Variants in LRMDA observed in about 807,000 individuals in gnomAD.
LRMDA encodes leucine rich melanocyte differentiation associated, also known as leucine-rich melanocyte differentiation-associated protein.
LRMDA carries 18 observed loss-of-function variants against 29.8 expected under a neutral mutation model. That is an observed-to-expected ratio of 0.60 (90% CI 0.42 to 0.90). The LOEUF is 0.90. Among genes scored for constraint, LRMDA ranks in the 40% least tolerant of loss-of-function variants. The pLI is 0.00. For missense variants in LRMDA, 273 were observed against 273.9 expected, an observed-to-expected ratio of 1.00 and a Z score of 0.02; for synonymous variants, 125 against 109.4, an observed-to-expected ratio of 1.14 and a Z score of -0.89.
intron 2 of LRMDA, among the ~76,000 whole-genome samples, chr10:75,552,822 G>T (rs1197786116): frequency 6.7e-6 from 1 of 150,162 alleles, no homozygotes; most frequent in Admixed American, 6.6e-5. Context: ...CATTTTCTCT[G>T]CTGTGTTCAG....
chr10:76,418,812 A>ATTGAATT (rs1842045028), intron 6 of LRMDA, among the ~76,000 whole-genome samples: 1 of 152,034 alleles, frequency 6.6e-6, no homozygotes. Context: ...ATCAATGGGT[A>ATTGAATT]TTGAATTTTG....
At chr10:75,866,474 C>A (rs1473754747) in intron 2 of LRMDA, among the ~76,000 whole-genome samples, 1 of 152,170 alleles carries the variant, frequency 6.6e-6, no homozygotes, top group Non-Finnish European at 1.5e-5. Flanking sequence ...GCTTTGGTAG[C>A]AATGAAGATT....
In LRMDA at chr10:75,558,252, A is replaced by T. The variant is rs75637536; in HGVS notation, c.131+119758A>T. On this transcript the variant is annotated intron_variant, in intron 2 of 6. Transcript: ENST00000611255. ...AAGTACCTCCCTGAAAATTAGTCTA[A>T]CTAAGGCAGTTTGGGGGTTAAGTGT... 5.5e-4 allele frequency among the ~76,000 whole-genome samples: 83 copies of T among 151,948 alleles called. 1 individual carries two copies. The East Asian group carries it at 0.014, about 25-fold the overall frequency.
chr10:75,815,240 G>A (rs548689520), intron 2 of LRMDA, among the ~76,000 whole-genome samples: 1 of 152,208 alleles, frequency 6.6e-6, no homozygotes, highest in Admixed American at 6.5e-5. Context: ...AAAACCAATG[G>A]GTGTGTTACA....
intron 2 of LRMDA, among the ~76,000 whole-genome samples, chr10:75,777,082 T>G (rs2132239556): frequency 6.6e-6 from 1 of 152,308 alleles, no homozygotes; most frequent in East Asian, 1.9e-4. Flanking sequence ...TTTACTCTGT[T>G]TGTAAGGGAG....
chr10:76,067,647 T>C (rs1848806248), intron 5 of LRMDA, among the ~76,000 whole-genome samples: 2 of 152,150 alleles, frequency 1.3e-5, no homozygotes, highest in South Asian at 2.1e-4. Flanking sequence ...CTTCCCATGC[T>C]TTTGTCCATC....
chr10:76,469,873 C>A (rs1271974036), intron 6 of LRMDA, among the ~76,000 whole-genome samples: 1 of 152,038 alleles, frequency 6.6e-6, no homozygotes, highest in Non-Finnish European at 1.5e-5. Context: ...CAGTATTGTG[C>A]AATCATCACC....
At chr10:76,185,825 A>G (rs1851138801) in intron 5 of LRMDA, among the ~76,000 whole-genome samples, 1 of 152,192 alleles carries the variant, frequency 6.6e-6, no homozygotes, top group African/African-American at 2.4e-5. Flanking sequence ...TCAACAATAA[A>G]GTATGGCTTG....
intron 2 of LRMDA, among the ~76,000 whole-genome samples, chr10:75,987,801 C>T (rs143045178): frequency 1.1e-3 from 162 of 152,326 alleles, no homozygotes; most frequent in African/African-American, 3.7e-3. Context: ...GGAGGGAGCA[C>T]TGGGCAGCCC....
At chr10:75,522,988 T>A (rs1000315905) in intron 2 of LRMDA, among the ~76,000 whole-genome samples, 6 of 152,182 alleles carry the variant, frequency 3.9e-5, no homozygotes, top group Non-Finnish European at 7.3e-5. Flanking sequence ...TGCTCAGCAA[T>A]CAGATGACCT....
At chr10:76,266,693 ACT>A (rs1365263594) in intron 5 of LRMDA, among the ~76,000 whole-genome samples, 2 of 152,064 alleles carry the variant, frequency 1.3e-5, no homozygotes, top group Non-Finnish European at 2.9e-5. Context: ...TTTATTTATA[ACT>A]CAGTATATTA....
intron 2 of LRMDA, among the ~76,000 whole-genome samples, chr10:75,573,229 T>G (rs188697171): frequency 6.6e-6 from 1 of 152,326 alleles, no homozygotes; most frequent in Non-Finnish European, 1.5e-5. Flanking sequence ...TTTCAGGTTT[T>G]TCATTATAAT....
At chr10:76,444,512 C>G (rs112957403) in intron 6 of LRMDA, among the ~76,000 whole-genome samples, 2 of 152,228 alleles carry the variant, frequency 1.3e-5, no homozygotes, top group African/African-American at 4.8e-5. Flanking sequence ...GCATCAGTAA[C>G]TTGTAGCTCA....
intron 5 of LRMDA, among the ~76,000 whole-genome samples, chr10:76,091,553 C>T (rs369936037): frequency 2.0e-5 from 3 of 152,194 alleles, no homozygotes; most frequent in Admixed American, 2.0e-4. Flanking sequence ...GCCTGGTGGT[C>T]CTCATGGCCC....
chr10:75,964,971 G>T (rs1248679269), intron 2 of LRMDA, among the ~76,000 whole-genome samples: 1 of 152,124 alleles, frequency 6.6e-6, no homozygotes, highest in Non-Finnish European at 1.5e-5. Flanking sequence ...TCGCCATGTT[G>T]GCGAGGCTGG....
intron 2 of LRMDA, among the ~76,000 whole-genome samples, chr10:75,666,812 T>C (rs1841828511): frequency 6.6e-6 from 1 of 152,196 alleles, no homozygotes; most frequent in South Asian, 2.1e-4. Flanking sequence ...TTTAGCCAGA[T>C]GGGTCCAGTA....
chr10:76,222,081 A>G (rs1851852603), intron 5 of LRMDA, among the ~76,000 whole-genome samples: 2 of 151,992 alleles, frequency 1.3e-5, no homozygotes, highest in Non-Finnish European at 2.9e-5. Context: ...GAAAGCTGAA[A>G]CTGGATCCCT....
Position 75,814,540 on chromosome 10 carries a change from G to A in LRMDA, c.132-221468G>A, listed in dbSNP as rs111556686. On this transcript the variant is annotated intron_variant, in intron 2 of 6. Coordinates refer to ENST00000611255, the MANE Select transcript of LRMDA (RefSeq NM_001305581.2). ...TCTTAAGACACCTTTTTCCCACTCAGCCATTCAGCAACATTTTCCCTTCCC... is the reference window on the plus strand; with the variant it reads ...TCTTAAGACACCTTTTTCCCACTCAACCATTCAGCAACATTTTCCCTTCCC... Among the ~76,000 whole-genome samples the A allele has an allele frequency of 4.3e-3, 660 of 152,174 alleles. 3 individuals are homozygous for A. Among genetic ancestry groups the A allele is most frequent in the African/African-American group, 0.015 (627 of 41,524 alleles).
At chr10:76,166,006 G>A (rs969422163) in intron 5 of LRMDA, among the ~76,000 whole-genome samples, 13 of 152,198 alleles carry the variant, frequency 8.5e-5, no homozygotes, top group Admixed American at 6.5e-5. Context: ...TGGGAATACA[G>A]AGGGAAAGAA....
Sources: allele counts gnomAD v4.1 joint callset (sites outside exome capture counted in the v4.1 genomes callset), GRCh38; gene constraint gnomAD v4.1.1; transcripts MANE v1.5; gene names NCBI Gene and HGNC (gene_info 2026-07-23, HGNC 2026-07-21).